Variants in CCDC7 observed in about 807,000 individuals in gnomAD.
CCDC7 encodes coiled-coil domain containing 7.
CCDC7 carries 183 observed loss-of-function variants against 196.9 expected under a neutral mutation model. That is an observed-to-expected ratio of 0.93 (90% CI 0.82 to 1.05). The LOEUF (loss-of-function observed/expected upper bound fraction) is 1.05. Ranked by LOEUF, CCDC7 falls within the 50% of genes least tolerant of loss-of-function variation. The pLI is 0.00. For synonymous variants in CCDC7, 525 were observed against 484.6 expected, an observed-to-expected ratio of 1.08 and a Z score of -1.10; for missense variants, 1,540 against 1,482.2, an observed-to-expected ratio of 1.04 and a Z score of -0.64.
intron 20 of CCDC7, among the ~76,000 whole-genome samples, chr10:32,656,654 G>A (rs1328579477): frequency 6.6e-6 from 1 of 152,140 alleles, no homozygotes; most frequent in Non-Finnish European, 1.5e-5. Context: ...TGTCATGTGG[G>A]GATTATGGGA....
At chr10:32,666,646 G>T (rs558783812) in intron 21 of CCDC7, among the ~76,000 whole-genome samples, 1 of 151,446 alleles carries the variant, frequency 6.6e-6, no homozygotes, top group African/African-American at 2.4e-5. Flanking sequence ...TTGTCCTTGC[G>T]ATAGTTTGCT....
At chr10:32,875,453 GCCTTATTTCTGGGC>G (rs1236848218) in intron 41 of CCDC7, among the ~76,000 whole-genome samples, 2 of 151,984 alleles carry the variant, frequency 1.3e-5, no homozygotes, top group Non-Finnish European at 2.9e-5. Flanking sequence ...TAGATGTGCA[GCCTTATTTCTGGGC>G]CCTCTGTTCT....
intron 18 of CCDC7, among the ~76,000 whole-genome samples, chr10:32,600,743 G>T (rs2060911153): frequency 6.6e-6 from 1 of 152,186 alleles, no homozygotes; most frequent in Non-Finnish European, 1.5e-5. Flanking sequence ...AATGCAGGAA[G>T]TAAAAAGTGA....
intron 11 of CCDC7, among the ~76,000 whole-genome samples, chr10:32,532,474 G>A (rs920223027): frequency 6.6e-6 from 1 of 152,154 alleles, no homozygotes; most frequent in African/African-American, 2.4e-5. Context: ...CCTGGAGAAT[G>A]CTCCAATATT....
intron 29 of CCDC7, among the ~76,000 whole-genome samples, chr10:32,782,768 AT>A (rs1165154906): frequency 1.1e-4 from 16 of 152,224 alleles, no homozygotes; most frequent in African/African-American, 3.9e-4. Context: ...AGCTACAGTA[AT>A]CAAAAGAGTG....
chr10:32,514,251 G>T (rs994228737), intron 9 of CCDC7: 1 of 152,152 alleles, frequency 6.6e-6, no homozygotes, highest in Non-Finnish European at 1.5e-5. Context: ...CTACCTCAGG[G>T]TGACCTTATT....
chr10:32,539,790 AG>A (rs201755429), intron 11 of CCDC7, among the ~76,000 whole-genome samples: 6,939 of 152,018 alleles, frequency 0.046, 531 homozygotes, highest in African/African-American at 0.16. Flanking sequence ...ATTCAGGAGG[AG>A]GTTGTTTAAT....
At chr10:32,762,196 G>C (rs139761190) in intron 28 of CCDC7, among the ~76,000 whole-genome samples, 46 of 152,012 alleles carry the variant, frequency 3.0e-4, no homozygotes, top group African/African-American at 1.0e-3. Context: ...AGAAGGTTTG[G>C]CTCTTAAATC....
At chr10:32,511,488 G>A (rs1309644101) in intron 9 of CCDC7, 1 of 1,604,796 alleles carries the variant, frequency 6.2e-7, no homozygotes, top group Admixed American at 1.7e-5. Context: ...TCCAATTCCT[G>A]TTTTACTGGA....
chr10:32,826,289 C>T (rs2091099317), intron 32 of CCDC7, among the ~76,000 whole-genome samples: 1 of 152,190 alleles, frequency 6.6e-6, no homozygotes, highest in Non-Finnish European at 1.5e-5. Flanking sequence ...ATTTGAAGAA[C>T]TTGGAGTCCA....
At chr10:32,857,700 C>A (rs2093805979) in intron 41 of CCDC7, among the ~76,000 whole-genome samples, 1 of 151,430 alleles carries the variant, frequency 6.6e-6, no homozygotes, top group African/African-American at 2.4e-5. Context: ...AAATAAATAG[C>A]CTAATGTTAT....
At chr10:32,598,551 T>C (rs1182997029) in intron 18 of CCDC7, among the ~76,000 whole-genome samples, 2 of 152,202 alleles carry the variant, frequency 1.3e-5, no homozygotes, top group Non-Finnish European at 2.9e-5. Flanking sequence ...AATGCAGAAA[T>C]CACCTGTCTT....
At chr10:32,828,700 G>A (rs1293113464) in intron 32 of CCDC7, among the ~76,000 whole-genome samples, 1 of 152,076 alleles carries the variant, frequency 6.6e-6, no homozygotes, top group African/African-American at 2.4e-5. Context: ...ACTTTGCAGG[G>A]CTGGGACAAA....
intron 29 of CCDC7, among the ~76,000 whole-genome samples, chr10:32,792,463 T>C (rs566745797): frequency 1.3e-5 from 2 of 152,328 alleles, no homozygotes; most frequent in East Asian, 3.8e-4. Flanking sequence ...AGTTTAGATA[T>C]GCGACAAAAA....
At chr10:32,603,527 TG>T (rs904117088) in intron 18 of CCDC7, among the ~76,000 whole-genome samples, 24 of 148,774 alleles carry the variant, frequency 1.6e-4, no homozygotes, top group African/African-American at 4.4e-4. Flanking sequence ...ACCTCTATAA[TG>T]TTTTTTTTAA....
chr10:32,494,634 G>T (rs1373300416), intron 9 of CCDC7, among the ~76,000 whole-genome samples: 4 of 152,122 alleles, frequency 2.6e-5, no homozygotes, highest in Non-Finnish European at 5.9e-5. Context: ...TTATGAGCGA[G>T]AACATGCGGT....
chr10:32,747,992 G>A (rs897698875), intron 28 of CCDC7, among the ~76,000 whole-genome samples: 1 of 152,186 alleles, frequency 6.6e-6, no homozygotes, highest in African/African-American at 2.4e-5. Context: ...ACTGGATAAA[G>A]AAAATGTGGT....
intron 41 of CCDC7, among the ~76,000 whole-genome samples, chr10:32,870,836 G>A (rs539858613): frequency 4.6e-5 from 7 of 152,066 alleles, no homozygotes; most frequent in African/African-American, 1.2e-4. Flanking sequence ...GGCTTTTTCC[G>A]CATCTATTGA....
chr10:32,652,889 G>T (rs1351026590), intron 20 of CCDC7, among the ~76,000 whole-genome samples: 2 of 152,104 alleles, frequency 1.3e-5, no homozygotes, highest in African/African-American at 4.8e-5. Flanking sequence ...TATTAGCAGA[G>T]ATTTTTATAA....
Sources: gnomAD v4.1 joint callset for allele counts (sites outside exome capture counted in the v4.1 genomes callset) on GRCh38, gnomAD v4.1.1 for gene constraint, MANE v1.5 for transcripts, NCBI Gene and HGNC (gene_info 2026-07-23, HGNC 2026-07-21) for gene names.